The following DZIP3 variants were observed in gnomAD, a reference collection of about 807,000 sequenced individuals.
The protein encoded by DZIP3 is DAZ interacting zinc finger protein 3.
In DZIP3, 118 loss-of-function variants were observed where a neutral mutation model predicts 162.0. That is an observed-to-expected ratio of 0.73 (90% CI 0.63 to 0.85). DZIP3 has a LOEUF of 0.85. Ranked by LOEUF, DZIP3 falls within the 40% of genes least tolerant of loss-of-function variation. DZIP3 has a pLI of 0.00. For synonymous variants in DZIP3, 438 were observed against 458.6 expected, an observed-to-expected ratio of 0.96 and a Z score of 0.57; for missense variants, 1,331 against 1,407.0, an observed-to-expected ratio of 0.95 and a Z score of 0.86.
At chr3:108,608,625 G>C (rs1940521260) in intron 3 of DZIP3, among the ~76,000 whole-genome samples, 1 of 151,976 alleles carries the variant, frequency 6.6e-6, no homozygotes, top group Non-Finnish European at 1.5e-5. Context: ...AAATGAAAGA[G>C]AATAACTCTG....
At chr3:108,596,038 G>C (rs190117267) in intron 1 of DZIP3, among the ~76,000 whole-genome samples, 1 of 152,150 alleles carries the variant, frequency 6.6e-6, no homozygotes, top group Non-Finnish European at 1.5e-5. Flanking sequence ...GTAAGTATTA[G>C]GGAGTGAAAA....
At chr3:108,684,761 A>G (rs150488562) in intron 27 of DZIP3, among the ~76,000 whole-genome samples, 10 of 152,300 alleles carry the variant, frequency 6.6e-5, no homozygotes, top group African/African-American at 2.4e-4. Context: ...CACACATAGT[A>G]GGACAGTATT....
chr3:108,619,004 G>A (rs1441629189), intron 5 of DZIP3, among the ~76,000 whole-genome samples: 3 of 134,182 alleles, frequency 2.2e-5, no homozygotes, highest in Non-Finnish European at 3.1e-5. Context: ...GAGGTTGCAG[G>A]GAGCCAAGAT....
In DZIP3 at chr3:108,616,914, A is replaced by C. The variant is rs146520095; in HGVS notation, c.375+257A>C. On this transcript the variant is annotated intron_variant, in intron 5 of 32. Coordinates refer to ENST00000361582, the MANE Select transcript of DZIP3 (RefSeq NM_014648.4). The stretch of plus-strand genomic sequence containing the variant: ...TAAGCCTATTCTAGTCTCCTTCCCT[A>C]CCACAAAATTGTTCATCTTAAGAGA... Among the ~76,000 whole-genome samples the C allele has an allele frequency of 1.3e-3, 195 of 152,196 alleles. 1 individual carries two copies. In the Middle Eastern group the frequency reaches 0.014, roughly 11 times the overall value.
intron 2 of DZIP3, among the ~76,000 whole-genome samples, chr3:108,607,374 A>G (rs921636258): frequency 1.3e-5 from 2 of 152,212 alleles, no homozygotes; most frequent in South Asian, 2.1e-4. Flanking sequence ...ATCAGTCAAT[A>G]TAAATTTCTC....
chr3:108,605,978 T>G (rs1940343910), intron 2 of DZIP3, among the ~76,000 whole-genome samples: 1 of 152,220 alleles, frequency 6.6e-6, no homozygotes, highest in Non-Finnish European at 1.5e-5. Flanking sequence ...CACTAGGGAT[T>G]ACATCCTCAC....
rs991340213 is a variant in DZIP3 at position 108,591,304 on chromosome 3, A to G, written c.-73+1465A>G. ...AGATGGTTAAAAAATGAATTAATGT[A>G]AAGTGTCAGCTGTCATCTGGCATAA... is the stretch of plus-strand genomic sequence containing the variant. On this transcript the variant is annotated intron_variant, in intron 1 of 32. Coordinates refer to ENST00000361582, the MANE Select transcript of DZIP3 (RefSeq NM_014648.4). 4.6e-5 allele frequency among the ~76,000 whole-genome samples: 7 copies of G among 152,342 alleles called. No individual in the cohort carries two copies. The East Asian group carries it at 9.6e-4, about 21-fold the overall frequency.
intron 5 of DZIP3, among the ~76,000 whole-genome samples, chr3:108,619,120 A>G (rs1015284191): frequency 6.7e-6 from 1 of 149,430 alleles, no homozygotes; most frequent in African/African-American, 2.5e-5. Context: ...TTATCATTCT[A>G]TGTACCTAGA....
Position 108,608,102 on chromosome 3 carries a change from G to A in DZIP3, c.46G>A (p.Glu16Lys). The part of the protein sequence containing the change: ...DEFFVRHPAV[E>K]DQRKEETENK... ...CATTTAAAATAGGCATCCTGCTGTG[G>A]AGGATCAGAGGAAGGAAGAAACTGA... Residue 16 changes from glutamate to lysine, a missense_variant, in exon 3 of 33, where the codon GAG becomes AAG. Physicochemically the swap from Glu to Lys is moderately conservative, Grantham distance 56. Around this residue, in one of 2 missense-constraint regions of DZIP3, gnomAD observed 1,278 missense variants for 1,317.1 expected, o/e 0.97. Transcript: ENST00000361582. 1 of 1,612,900 alleles carries A rather than the reference G, an allele frequency of 6.2e-7. No individual in the cohort carries two copies. The highest frequency in any genetic ancestry group is 8.5e-7 in the Non-Finnish European group (1 of 1,179,238).
At chr3:108,672,508 A>G in intron 22 of DZIP3, 52 bp from the exon 23 acceptor site, 4 of 1,445,656 alleles carry the variant, frequency 2.8e-6, no homozygotes, top group Non-Finnish European at 3.9e-6. Context: ...ATTAGATGAA[A>G]AAGGCTCTGC....
Position 108,644,462 on chromosome 3 carries a change from C to A in DZIP3, c.1440C>A (p.Phe480Leu). 6.2e-7 allele frequency: 1 copy of A among 1,614,024 alleles called. No homozygotes were observed. Among genetic ancestry groups the A allele is most frequent in the Non-Finnish European group, 8.5e-7 (1 of 1,179,958 alleles). The change falls in exon 14 of 33, where the codon TTC becomes TTA. Residue 480 changes from phenylalanine to leucine, a missense_variant. Physicochemically the swap from Phe to Leu is conservative, Grantham distance 22. Coordinates refer to ENST00000361582, the MANE Select transcript of DZIP3 (RefSeq NM_014648.4). ...LLALIKHLNV[F>L]PAPKKGWNME... ...CTCTTATAAAACATTTAAATGTGTTCCCTGCACCCAAAAAAGGATGGAATA... is the reference window on the plus strand; with the variant it reads ...CTCTTATAAAACATTTAAATGTGTTACCTGCACCCAAAAAAGGATGGAATA...
intron 12 of DZIP3, 35 bp downstream of exon 12, chr3:108,637,583 TGG>T: frequency 6.4e-7 from 1 of 1,566,260 alleles, no homozygotes; most frequent in South Asian, 1.1e-5. Flanking sequence ...TTACCTTTTT[TGG>T]AATATGCATA....
At chr3:108,672,679 G>T (rs1176063063) in intron 23 of DZIP3, 23 bp downstream of exon 23, 2 of 1,592,876 alleles carry the variant, frequency 1.3e-6, no homozygotes, top group Admixed American at 1.7e-5. Context: ...CGGGGACAGG[G>T]GTATGGGGTG....
Position 108,672,468 on chromosome 3 carries a change from G to A in DZIP3, c.2493-92G>A, listed in dbSNP as rs926998337. ...CTTTTCCAAGAAATAATTTCCTACTGATTGTATAACTTATCTTTCTTCCTC... is the reference window on the plus strand; with the variant it reads ...CTTTTCCAAGAAATAATTTCCTACTAATTGTATAACTTATCTTTCTTCCTC... On this transcript the variant is annotated intron_variant, in intron 22 of 32. Transcript: ENST00000361582. 4 of 1,046,396 alleles carry A rather than the reference G, an allele frequency of 3.8e-6. No homozygotes were observed. In the African/African-American group the frequency reaches 6.4e-5, roughly 17 times the overall value. The allele number at this position is 1,046,396 out of a possible 1,614,324, so 64.8% of individuals were successfully genotyped here.
chr3:108,629,065 T>A lies in DZIP3; in HGVS notation c.585T>A (p.Tyr195Ter), dbSNP rs759892701. The change falls in exon 8 of 33, where the codon TAT becomes TAA. Residue 195 changes from tyrosine (Y) to a stop codon, truncating the protein, a stop_gained. Coordinates refer to ENST00000361582, the MANE Select transcript of DZIP3 (RefSeq NM_014648.4). LOFTEE classifies it high-confidence loss of function. Reference protein sequence around the residue: ...RGLLRCAQKRYNGGLLEFHKS... With the variant: ...RGLLRCAQKR ...CTTATTTTAAAATGCCTTTCAGATA[T>A]AATGGAGGACTGCTAGAATTTCATA... is the stretch of plus-strand genomic sequence containing the variant. The A allele has an allele frequency of 2.9e-5, 46 of 1,583,926 alleles. No individual in the cohort carries two copies. The highest frequency in any genetic ancestry group is 2.6e-6 in the Non-Finnish European group (3 of 1,166,962).
intron 1 of DZIP3, among the ~76,000 whole-genome samples, chr3:108,592,312 A>G (rs9863634): frequency 0.019 from 2,907 of 152,310 alleles, 101 homozygotes; most frequent in African/African-American, 0.067. Flanking sequence ...GATGTGAGGC[A>G]TGAAGAGAGG....
chr3:108,686,523 T>A lies in DZIP3; in HGVS notation c.3088T>A (p.Ser1030Thr). Residue 1030 changes from serine to threonine, a missense_variant, in exon 28 of 33, where the codon TCC becomes ACC. Ser to Thr is a moderately conservative substitution (Grantham distance 58). This residue lies in a region of DZIP3 where 1,278 missense variants were observed against 1,317.1 expected (regional missense o/e 0.97). Coordinates refer to ENST00000361582, the MANE Select transcript of DZIP3 (RefSeq NM_014648.4). ...PPSAGLRSDP[S>T]IMNWERITDR... ...CAGTGCAGGTCTGCGGAGTGATCCC[T>A]CCATCATGAATTGGGAGAGAATTAC... is the stretch of plus-strand genomic sequence containing the variant. 1.9e-6 allele frequency: 3 copies of A among 1,612,354 alleles called. No homozygotes were observed. Among genetic ancestry groups the A allele is most frequent in the Non-Finnish European group, 2.5e-6 (3 of 1,179,528 alleles).
intron 23 of DZIP3, among the ~76,000 whole-genome samples, chr3:108,673,734 AAAAT>A (rs1944005146): frequency 6.6e-6 from 1 of 151,972 alleles, no homozygotes; most frequent in Non-Finnish European, 1.5e-5. Flanking sequence ...AGAGCTTTTA[AAAAT>A]GCCAATGCCC....
rs780796653 is a variant in DZIP3, at chr3:108,629,108, G to C, written c.628G>C (p.Gly210Arg). The C allele has an allele frequency of 6.2e-7, 1 of 1,603,034 alleles. No individual in the cohort carries two copies. The highest frequency in any genetic ancestry group is 1.1e-5 in the South Asian group (1 of 88,216). ...ATTTCATAAAAGCTTACAAGAAATT[G>C]GAGACAAAAATGACCATTGGTTTGA... Reference protein sequence around the residue: ...LEFHKSLQEIGDKNDHWFDID... With the variant: ...LEFHKSLQEIRDKNDHWFDID... The change falls in exon 8 of 33, where the codon GGA becomes CGA. Residue 210 changes from glycine to arginine, a missense_variant. Gly to Arg is a moderately radical substitution (Grantham distance 125). Transcript: ENST00000361582.
Sources: gnomAD v4.1 joint callset for allele counts (sites outside exome capture counted in the v4.1 genomes callset) on GRCh38, gnomAD v4.1.1 for gene constraint, gnomAD v4.1.1 regional missense constraint, MANE v1.5 for transcripts, NCBI Gene and HGNC (gene_info 2026-07-23, HGNC 2026-07-21) for gene names.